CTDSP1: variants seen among roughly 807,000 people sequenced by gnomAD.
CTDSP1 encodes CTD small phosphatase 1.
A neutral mutation model predicts 32.5 loss-of-function variants in CTDSP1; 15 were observed. That is an observed-to-expected ratio of 0.46 (90% CI 0.31 to 0.71). The LOEUF (loss-of-function observed/expected upper bound fraction) is 0.71, where lower values mean the gene tolerates loss of function less well. CTDSP1 is among the 30% of genes least tolerant of loss of function. CTDSP1 has a pLI of 0.05. For synonymous variants in CTDSP1, 185 were observed against 145.4 expected (o/e 1.27, Z -1.96); for missense variants, 294 against 351.1 (o/e 0.84, Z 1.30).
In CTDSP1 at chr2:218,403,684, G is replaced by A. The variant is rs140795023; in HGVS notation, c.657+267G>A. ...GGAGTTTGGAAAGTTTCAATTTTTC[G>A]AATTGCCAGTTGTGACCTACTGATG... On this transcript the variant is annotated intron_variant, in intron 6 of 6. Coordinates refer to ENST00000273062, the MANE Select transcript of CTDSP1 (RefSeq NM_021198.3). 342 of 391,688 alleles carry A rather than the reference G, an allele frequency of 8.7e-4. 1 individual carries two copies. Among genetic ancestry groups the A allele is most frequent in the African/African-American group, 6.1e-3 (297 of 48,816 alleles). The allele number at this position is 391,688 out of a possible 1,614,324, so 24.3% of individuals were successfully genotyped here. A position where few individuals can be genotyped will look rare whatever the true frequency, so the allele number is the denominator to read the frequency against.
At chr2:218,401,136 G>A in intron 1 of CTDSP1, 1 of 366,190 alleles carries the variant, frequency 2.7e-6, no homozygotes, top group South Asian at 2.0e-5. Context: ...CGTACCCACG[G>A]GGGTGGAGAG....
In CTDSP1 at chr2:218,403,375, G is replaced by A; in HGVS notation, c.615G>A (p.Leu205=). Residue 205 remains leucine, a synonymous_variant, in exon 6 of 7, where the codon CTG becomes CTA. Coordinates refer to ENST00000273062, the MANE Select transcript of CTDSP1 (RefSeq NM_021198.3). ...GAGACCTGCGGCGGGTGCTCATCCTGGACAATTCACCTGCCTCCTATGTCT... is the reference window on the plus strand; with the variant it reads ...GAGACCTGCGGCGGGTGCTCATCCTAGACAATTCACCTGCCTCCTATGTCT... The part of the protein sequence containing the change: ...LGRDLRRVLI[L]DNSPASYVFH... 6.2e-7 allele frequency: 1 copy of A among 1,611,864 alleles called. No individual in the cohort carries two copies. Among genetic ancestry groups the A allele is most frequent in the African/African-American group, 1.3e-5 (1 of 75,034 alleles).
rs933699200 is a variant in CTDSP1 at position 218,404,795 on chromosome 2, C to T, written c.*370C>T. On this transcript the variant is annotated 3_prime_UTR_variant, in exon 7 of 7. Transcript: ENST00000273062. ...GGGGGCAGGGTTCCTGCCTTGGACC[C>T]CCAGTCTGGGAACGGTGGACATCAA... The T allele has an allele frequency of 1.3e-4, 26 of 195,172 alleles. No homozygotes were observed. Among genetic ancestry groups the T allele is most frequent in the Admixed American group, 1.2e-3 (21 of 17,048 alleles). The allele number at this position is 195,172 out of a possible 1,614,324, so 12.1% of individuals were successfully genotyped here.
chr2:218,401,652 G>A lies in CTDSP1; in HGVS notation c.156G>A (p.Glu52=). The change falls in exon 2 of 7, where the codon GAG becomes GAA. Residue 52 remains glutamate, a synonymous_variant. Coordinates refer to ENST00000273062, the MANE Select transcript of CTDSP1 (RefSeq NM_021198.3). ...LFCCVCRDDG[E]ALPAHSGAPL... is the part of the protein sequence containing the mutation. ...GCTGTGTCTGCCGGGATGATGGGGA[G>A]GCCCTGCCTGCTCACAGCGGGGCGC... 5.0e-6 allele frequency: 8 copies of A among 1,611,988 alleles called. No individual in the cohort carries two copies. Among genetic ancestry groups the A allele is most frequent in the Non-Finnish European group, 6.8e-6 (8 of 1,179,016 alleles).
chr2:218,396,581 T>G (rs926314719), upstream of CTDSP1: 1 of 152,410 alleles, frequency 6.6e-6, no homozygotes, highest in Admixed American at 6.5e-5. Context: ...AGTGGGTCCC[T>G]CAAGGAGAGA....
upstream of CTDSP1, chr2:218,398,426 C>T (rs2106347333): frequency 1.3e-6 from 2 of 1,535,128 alleles, no homozygotes; most frequent in South Asian, 1.2e-5. Flanking sequence ...GTGGCCGCCC[C>T]GTGGGCTACC....
At chr2:218,401,873 G>A (rs1697163503) in intron 2 of CTDSP1, among the ~76,000 whole-genome samples, 161 bp downstream of exon 2, 1 of 152,176 alleles carries the variant, frequency 6.6e-6, no homozygotes. Context: ...CCCACTGTGG[G>A]GAAACTGAAT....
chr2:218,403,522 G>A (rs1367754724), intron 6 of CTDSP1, 105 bp downstream of exon 6: 33 of 1,038,956 alleles, frequency 3.2e-5, no homozygotes, highest in East Asian at 1.0e-4. Flanking sequence ...GGGGGTGGGT[G>A]CCCTCCCAGT....
chr2:218,399,988 TCCCACCCCTCCCCTCCCC>T lies in CTDSP1; in HGVS notation c.-99_-82del. On this transcript the variant is annotated 5_prime_UTR_variant, in exon 1 of 7. Coordinates refer to ENST00000273062, the MANE Select transcript of CTDSP1 (RefSeq NM_021198.3). ...TCCGGAGCTCGCGGGGATCCCTCCC[TCCCACCCCTCCCCTCCCC>T]CCCGCGCCCCGATTCCGGCCCCAGC... 2 of 267,128 alleles carry T rather than the reference TCCCACCCCTCCCCTCCCC, an allele frequency of 7.5e-6. No individual in the cohort carries two copies. The highest frequency in any genetic ancestry group is 1.0e-5 in the Non-Finnish European group (2 of 193,956). 16.5% of individuals were successfully genotyped at this position (267,128 alleles called of 1,614,324 possible). A position where few individuals can be genotyped will look rare whatever the true frequency, so the allele number is the denominator to read the frequency against.
intron 6 of CTDSP1, chr2:218,403,687 T>C (rs2106374334): frequency 2.6e-6 from 1 of 384,434 alleles, no homozygotes; most frequent in Non-Finnish European, 4.7e-6. Context: ...ATTTTTCGAA[T>C]TGCCAGTTGT....
At chr2:218,400,280 T>C in intron 1 of CTDSP1, 123 bp downstream of exon 1, 1 of 872,836 alleles carries the variant, frequency 1.1e-6, no homozygotes. Flanking sequence ...TGCCCGAAGC[T>C]CCCAGCCCGA....
intron 4 of CTDSP1, 163 bp downstream of exon 4, chr2:218,402,568 G>A: frequency 2.5e-6 from 2 of 810,118 alleles, no homozygotes; most frequent in Non-Finnish European, 2.2e-6. Flanking sequence ...AACCTCAAGG[G>A]CTTGTGCTGA....
chr2:218,400,192 G>A, intron 1 of CTDSP1, 35 bp downstream of exon 1: 1 of 1,524,010 alleles, frequency 6.6e-7, no homozygotes, highest in Non-Finnish European at 8.8e-7. Flanking sequence ...CGAAGCCGGG[G>A]CGCCGTGGGA....
Position 218,402,230 on chromosome 2 carries a change from A to T in CTDSP1, c.321+15A>T, listed in dbSNP as rs781041746. ...GCTCCTTCAAGGTGGGCCCTGCTCAACAGCCCTCAGCCCGGGTCTCGGGGG... is the reference window on the plus strand; with the variant it reads ...GCTCCTTCAAGGTGGGCCCTGCTCATCAGCCCTCAGCCCGGGTCTCGGGGG... On this transcript the variant is annotated intron_variant, in intron 3 of 6. Transcript: ENST00000273062. 6.2e-7 allele frequency: 1 copy of T among 1,612,748 alleles called. No individual in the cohort carries two copies. Among genetic ancestry groups the T allele is most frequent in the Admixed American group, 1.7e-5 (1 of 60,010 alleles).
At position 218,405,110 on chromosome 2, in the gene CTDSP1, C is replaced by T. The variant is rs1046988786; in HGVS notation, c.*685C>T. ...CCTCAGACTTCTGCCTTAACCAGCC[C>T]CGGGGCTTGGCTCCCCCAGCTCTGA... is the stretch of plus-strand genomic sequence containing the variant. On this transcript the variant is annotated 3_prime_UTR_variant, in exon 7 of 7. Coordinates refer to ENST00000273062, the MANE Select transcript of CTDSP1 (RefSeq NM_021198.3). 12 of 152,964 alleles carry T rather than the reference C, an allele frequency of 7.8e-5. No individual in the cohort carries two copies. The highest frequency in any genetic ancestry group is 2.9e-4 in the African/African-American group (12 of 41,464). 9.5% of individuals were successfully genotyped at this position (152,964 alleles called of 1,614,324 possible). A position where few individuals can be genotyped will look rare whatever the true frequency, so the allele number is the denominator to read the frequency against.
upstream of CTDSP1, chr2:218,396,831 G>A (rs976425189): frequency 6.5e-6 from 1 of 152,694 alleles, no homozygotes; most frequent in African/African-American, 2.4e-5. Flanking sequence ...TCCTCTGCCA[G>A]GCTCTGTGTT....
At position 218,404,983 on chromosome 2, in the gene CTDSP1, T is replaced by TA. The variant is rs1424339434; in HGVS notation, c.*559dup. ...TGCCTTGGAGGGAGGGGAGGTCTGT[T>TA]ACCACTGGGGAAGGCAGCAGGAGTC... is the stretch of plus-strand genomic sequence containing the variant. On this transcript the variant is annotated 3_prime_UTR_variant, in exon 7 of 7. Transcript: ENST00000273062. 2.6e-5 allele frequency: 4 copies of TA among 153,320 alleles called. No individual in the cohort carries two copies. Among genetic ancestry groups the TA allele is most frequent in the African/African-American group, 7.2e-5 (3 of 41,430 alleles). 9.5% of individuals were successfully genotyped at this position (153,320 alleles called of 1,614,324 possible).
At chr2:218,402,555 C>T in intron 4 of CTDSP1, 150 bp downstream of exon 4, 1 of 853,250 alleles carries the variant, frequency 1.2e-6, no homozygotes, top group East Asian at 2.5e-5. Flanking sequence ...CAAAGTCACA[C>T]AGAACCTCAA....
At chr2:218,400,937 G>C (rs60755520) in intron 1 of CTDSP1, 4,602 of 455,330 alleles carry the variant, frequency 0.01, 167 homozygotes, top group African/African-American at 0.082. Context: ...CCCCGGAACT[G>C]AGGGCAAGGT....
Sources: gnomAD v4.1 joint callset for allele counts (sites outside exome capture counted in the v4.1 genomes callset) on GRCh38, gnomAD v4.1.1 for gene constraint, MANE v1.5 for transcripts, NCBI Gene and HGNC (gene_info 2026-07-23, HGNC 2026-07-21) for gene names.